Variants in DOK5 observed in about 807,000 individuals in gnomAD.
DOK5 encodes docking protein 5.
In DOK5, 27 loss-of-function variants were observed where a neutral mutation model predicts 43.3. The ratio of observed to expected loss-of-function variants is 0.62; its 90% CI spans 0.46 to 0.86. DOK5 has a LOEUF of 0.86. Ranked by LOEUF, DOK5 falls within the 40% of genes least tolerant of loss-of-function variation. DOK5 has a pLI of 0.00. For synonymous variants in DOK5, 146 were observed against 140.1 expected (o/e 1.04, Z -0.30); for missense variants, 373 against 392.9 (o/e 0.95, Z 0.43).
chr20:54,519,563 G>A (rs1416160811), intron 1 of DOK5, among the ~76,000 whole-genome samples: 1 of 152,122 alleles, frequency 6.6e-6, no homozygotes. Context: ...AGCAAAAATA[G>A]TTTCATCATT....
At chr20:54,539,279 CAAAAAAAAAAA>C (rs57981823) in intron 1 of DOK5, among the ~76,000 whole-genome samples, 512 of 44,738 alleles carry the variant, frequency 0.011, 7 homozygotes, top group Non-Finnish European at 0.021. Context: ...GCTCCATCTC[CAAAAAAAAAAA>C]AAAAAAAAAA....
At chr20:54,563,066 A>C (rs1366512065) in intron 2 of DOK5, among the ~76,000 whole-genome samples, 2 of 152,188 alleles carry the variant, frequency 1.3e-5, no homozygotes, top group Non-Finnish European at 2.9e-5. Flanking sequence ...CACTGGAGTG[A>C]TACAATTAAA....
intron 2 of DOK5, among the ~76,000 whole-genome samples, chr20:54,571,773 T>A (rs994323766): frequency 2.0e-5 from 3 of 152,166 alleles, no homozygotes; most frequent in Non-Finnish European, 2.9e-5. Flanking sequence ...CACCCTAAAC[T>A]CCTGAGTGCA....
At chr20:54,533,097 C>T (rs746007594) in intron 1 of DOK5, among the ~76,000 whole-genome samples, 14 of 152,216 alleles carry the variant, frequency 9.2e-5, no homozygotes, top group Non-Finnish European at 1.5e-4. Flanking sequence ...TGAGAATCCT[C>T]TTCTTTGCCT....
chr20:54,524,619 A>G (rs1983519921), intron 1 of DOK5, among the ~76,000 whole-genome samples: 1 of 152,240 alleles, frequency 6.6e-6, no homozygotes, highest in Non-Finnish European at 1.5e-5. Context: ...AACTGAGACC[A>G]AGAGGAGTTA....
At chr20:54,522,767 G>A (rs536759639) in intron 1 of DOK5, among the ~76,000 whole-genome samples, 21 of 152,030 alleles carry the variant, frequency 1.4e-4, no homozygotes, top group African/African-American at 4.1e-4. Context: ...CACTTACCTC[G>A]GCCTCCCAAA....
intron 2 of DOK5, among the ~76,000 whole-genome samples, chr20:54,562,699 C>T (rs907552992): frequency 4.0e-5 from 6 of 151,632 alleles, no homozygotes; most frequent in African/African-American, 9.7e-5. Context: ...ATTACAGGCA[C>T]GAGCCACTGT....
At chr20:54,482,136 A>AT (rs1283056010) in intron 1 of DOK5, among the ~76,000 whole-genome samples, 5 of 152,210 alleles carry the variant, frequency 3.3e-5, no homozygotes, top group African/African-American at 4.8e-5. Flanking sequence ...CCTTTATAAG[A>AT]TTTTTTATGA....
chr20:54,561,253 A>T (rs1395102584), intron 2 of DOK5, among the ~76,000 whole-genome samples: 2 of 152,030 alleles, frequency 1.3e-5, no homozygotes, highest in Admixed American at 1.3e-4. Context: ...CTTTATTTTC[A>T]TGGTGGTGGC....
intron 6 of DOK5, among the ~76,000 whole-genome samples, chr20:54,625,603 G>A (rs1042100899): frequency 2.6e-5 from 4 of 152,164 alleles, no homozygotes; most frequent in Non-Finnish European, 4.4e-5. Flanking sequence ...CCAGCTCAGG[G>A]TCCTCGGGCT....
intron 2 of DOK5, among the ~76,000 whole-genome samples, chr20:54,576,453 A>G (rs549896303): frequency 2.0e-5 from 3 of 152,206 alleles, no homozygotes; most frequent in Non-Finnish European, 4.4e-5. Flanking sequence ...AAAAGTTTTT[A>G]AAAGAAGGAA....
Position 54,573,323 on chromosome 20 carries a change from C to G in DOK5, c.175-15160C>G, listed in dbSNP as rs563293745. On this transcript the variant is annotated intron_variant, in intron 2 of 7. Coordinates refer to ENST00000262593, the MANE Select transcript of DOK5 (RefSeq NM_018431.5). The stretch of plus-strand genomic sequence containing the variant: ...CAGGGAGAATGCTTGTTGGGAGTGA[C>G]AGAAAAAGACCACATAAATGAAATG... Among the ~76,000 whole-genome samples, 4 of 152,150 alleles carry G rather than the reference C, an allele frequency of 2.6e-5. No homozygotes were observed. The South Asian group carries it at 8.3e-4, about 32-fold the overall frequency.
intron 6 of DOK5, among the ~76,000 whole-genome samples, chr20:54,612,517 A>G (rs1242791536): frequency 6.6e-6 from 1 of 152,206 alleles, no homozygotes; most frequent in African/African-American, 2.4e-5. Context: ...GAGTAAAGCA[A>G]ATTGCCCTCT....
At chr20:54,638,971 G>T (rs1978982357) in intron 6 of DOK5, among the ~76,000 whole-genome samples, 1 of 151,978 alleles carries the variant, frequency 6.6e-6, no homozygotes, top group Non-Finnish European at 1.5e-5. Flanking sequence ...AGGAGCCACT[G>T]CGCCCAGCCA....
chr20:54,628,847 A>G (rs1362508316), intron 6 of DOK5, among the ~76,000 whole-genome samples: 1 of 152,194 alleles, frequency 6.6e-6, no homozygotes, highest in African/African-American at 2.4e-5. Flanking sequence ...GACTTTTCAG[A>G]CTTGGTAAAT....
intron 1 of DOK5, among the ~76,000 whole-genome samples, chr20:54,550,272 T>A (rs950935756): frequency 6.6e-6 from 1 of 151,980 alleles, no homozygotes; most frequent in Non-Finnish European, 1.5e-5. Flanking sequence ...TATCTGTACA[T>A]CTTACTGTCT....
rs901032887 is a variant in DOK5 at position 54,644,641 on chromosome 20, G to A, written c.856+1063G>A. Among the ~76,000 whole-genome samples the A allele has an allele frequency of 4.6e-5, 7 of 150,752 alleles. 1 individual carries two copies. Among genetic ancestry groups the A allele is most frequent in the African/African-American group, 1.7e-4 (7 of 40,646 alleles). ...GAATGGCGTGAACCCGGGAGGCGGA[G>A]CTTGCAGTGAGCCGAGATAGCGCCA... On this transcript the variant is annotated intron_variant, in intron 7 of 7. Transcript: ENST00000262593.
chr20:54,610,338 A>C, intron 5 of DOK5, 50 bp from the exon 6 acceptor site: 1 of 1,441,348 alleles, frequency 6.9e-7, no homozygotes, highest in South Asian at 1.7e-5. Context: ...TGGTGCATTG[A>C]ACTTCTAGGC....
intron 1 of DOK5, among the ~76,000 whole-genome samples, chr20:54,528,895 C>T (rs1318358210): frequency 1.3e-5 from 2 of 151,894 alleles, no homozygotes; most frequent in Non-Finnish European, 2.9e-5. Context: ...AAATGAAAAC[C>T]TAAGTGGAGT....
Sources: allele counts gnomAD v4.1 joint callset (sites outside exome capture counted in the v4.1 genomes callset), GRCh38; gene constraint gnomAD v4.1.1; transcripts MANE v1.5; gene names NCBI Gene and HGNC (gene_info 2026-07-23, HGNC 2026-07-21).